KALRN: variants seen among roughly 807,000 people sequenced by gnomAD.
KALRN encodes kalirin RhoGEF kinase.
In KALRN, 70 loss-of-function variants were observed where a neutral mutation model predicts 353.7. That is an observed-to-expected ratio of 0.20 (90% CI 0.16 to 0.24). KALRN has a LOEUF of 0.24. KALRN is among the 10% of genes least tolerant of loss of function. The pLI, the probability that KALRN is intolerant of heterozygous loss-of-function variation, is 1.00. For missense variants in KALRN, 2,791 were observed against 3,756.7 expected, an observed-to-expected ratio of 0.74 and a Z score of 6.72; for synonymous variants, 1,391 against 1,434.8, an observed-to-expected ratio of 0.97 and a Z score of 0.69.
At chr3:124,138,964 A>G (rs2066284703) in intron 1 of KALRN, among the ~76,000 whole-genome samples, 1 of 152,184 alleles carries the variant, frequency 6.6e-6, no homozygotes, top group Non-Finnish European at 1.5e-5. Context: ...CGCATATAAT[A>G]CAGATGTGAG....
rs1343390519 is a variant in KALRN at position 124,719,436 on chromosome 3, G to T, written c.8927G>T (p.Ser2976Ile). 1 of 1,613,900 alleles carries T rather than the reference G, an allele frequency of 6.2e-7. No homozygotes were observed. Among genetic ancestry groups the T allele is most frequent in the Admixed American group, 1.7e-5 (1 of 60,020 alleles). ...NDVRPIPNVK[S>I]YIVNRVNQGT ...GTGCGGCCTATTCCCAATGTCAAGAGCTACATTGTCAACCGGGTGAACCAA... is the reference window on the plus strand; with the variant it reads ...GTGCGGCCTATTCCCAATGTCAAGATCTACATTGTCAACCGGGTGAACCAA... The change falls in exon 60 of 60, where the codon AGC becomes ATC. Residue 2976 changes from serine (S) to isoleucine (I), a missense_variant. Ser to Ile is a moderately radical substitution (Grantham distance 142, BLOSUM62 -2). Coordinates refer to ENST00000682506, the MANE Select transcript of KALRN (RefSeq NM_001388419.1). The surrounding 1 kb of genome is among the most constrained non-coding windows in gnomAD (Gnocchi z 5.3).
chr3:124,425,826 A>G (rs1041523689), intron 15 of KALRN, among the ~76,000 whole-genome samples: 14 of 152,184 alleles, frequency 9.2e-5, no homozygotes, highest in African/African-American at 3.4e-4. Flanking sequence ...GATGATAAGT[A>G]TTTTGTTAAA....
At chr3:124,451,559 A>G (rs1341322538) in intron 21 of KALRN, among the ~76,000 whole-genome samples, 3 of 152,212 alleles carry the variant, frequency 2.0e-5, no homozygotes, top group African/African-American at 4.8e-5. Context: ...ATTAGTTTCT[A>G]TAAGTTACTG....
chr3:124,503,190 C>A (rs1041354752), intron 33 of KALRN, among the ~76,000 whole-genome samples: 1 of 152,148 alleles, frequency 6.6e-6, no homozygotes. Flanking sequence ...ACACTTCAAA[C>A]CCTTAAATAA....
At chr3:124,577,211 TG>T (rs1169497670) in intron 34 of KALRN, among the ~76,000 whole-genome samples, 4 of 114,936 alleles carry the variant, frequency 3.5e-5, no homozygotes, top group Non-Finnish European at 5.1e-5. Flanking sequence ...TAATACTTCC[TG>T]GAAAAAAAAA....
At chr3:124,717,101 C>T (rs1034369544) in intron 58 of KALRN, 146 bp from the exon 59 acceptor site, 6 of 598,854 alleles carry the variant, frequency 1.0e-5, no homozygotes, top group Non-Finnish European at 8.2e-6. Context: ...TAGGCTCTAA[C>T]TAAATATGCA....
chr3:124,719,105 A>T lies in KALRN; in HGVS notation c.8596A>T (p.Ile2866Phe). The T allele has an allele frequency of 6.2e-7, 1 of 1,614,266 alleles. No individual in the cohort carries two copies. Among genetic ancestry groups the T allele is most frequent in the Non-Finnish European group, 8.5e-7 (1 of 1,180,042 alleles). ...CTCCCTGGGGACAGACATCTGGAGC[A>T]TCGGGGTTCTGACATATGTCATGCT... ...PVSLGTDIWS[I>F]GVLTYVMLSG... Residue 2866 changes from isoleucine to phenylalanine, a missense_variant, in exon 60 of 60, where the codon ATC becomes TTC. Physicochemically the swap from Ile to Phe is conservative, Grantham distance 21. Coordinates refer to ENST00000682506, the MANE Select transcript of KALRN (RefSeq NM_001388419.1). This position sits in a 1 kb window ranked among gnomAD's most constrained non-coding sequence, Gnocchi z 5.3.
intron 1 of KALRN, chr3:124,163,774 C>G: frequency 3.0e-6 from 3 of 985,450 alleles, no homozygotes; most frequent in Non-Finnish European, 3.6e-6. Context: ...AAGTTCTCTC[C>G]TTCTCCTTCC....
intron 33 of KALRN, among the ~76,000 whole-genome samples, chr3:124,501,653 T>G (rs2064567450): frequency 6.6e-6 from 1 of 152,120 alleles, no homozygotes; most frequent in South Asian, 2.1e-4. Context: ...TCATCAGAAC[T>G]GACAATTTCA....
intron 37 of KALRN, among the ~76,000 whole-genome samples, chr3:124,637,868 G>A (rs1221093714): frequency 6.6e-6 from 1 of 152,204 alleles, no homozygotes; most frequent in South Asian, 2.1e-4. Flanking sequence ...CTGGCAGCCT[G>A]TCTAGCCTGT....
intron 1 of KALRN, among the ~76,000 whole-genome samples, chr3:124,047,668 T>A (rs1188849362): frequency 3.6e-4 from 51 of 142,436 alleles, no homozygotes; most frequent in South Asian, 4.6e-4. Context: ...AATTTTTTTT[T>A]ATTTTTTTTT....
At chr3:124,569,127 G>GT (rs1339938017) in intron 34 of KALRN, among the ~76,000 whole-genome samples, 11 of 152,144 alleles carry the variant, frequency 7.2e-5, no homozygotes, top group Non-Finnish European at 1.2e-4. Context: ...TGGAGAAGCT[G>GT]TAAGGAAATA....
chr3:124,406,393 C>T (rs536518608), intron 13 of KALRN, among the ~76,000 whole-genome samples: 4 of 152,260 alleles, frequency 2.6e-5, no homozygotes, highest in East Asian at 1.9e-4. Flanking sequence ...TTTTATTCAT[C>T]GTGGTAACCT....
At chr3:124,436,060 A>G (rs570915072) in intron 17 of KALRN, among the ~76,000 whole-genome samples, 6 of 152,368 alleles carry the variant, frequency 3.9e-5, no homozygotes, top group African/African-American at 1.4e-4. Flanking sequence ...ATAGATCCAC[A>G]TATATACAGT....
intron 1 of KALRN, among the ~76,000 whole-genome samples, chr3:124,108,174 A>C (rs1225667757): frequency 6.6e-6 from 1 of 152,126 alleles, no homozygotes; most frequent in East Asian, 1.9e-4. Context: ...GCCCCTTGCT[A>C]CCTTGGTTCC....
intron 1 of KALRN, among the ~76,000 whole-genome samples, chr3:124,149,280 G>A (rs370092317): frequency 2.6e-5 from 4 of 152,166 alleles, no homozygotes; most frequent in Non-Finnish European, 4.4e-5. Flanking sequence ...CTGCCCAGAT[G>A]AGTCTACCAT....
intron 2 of KALRN, among the ~76,000 whole-genome samples, chr3:124,231,147 A>G (rs2079110496): frequency 6.6e-6 from 1 of 152,222 alleles, no homozygotes; most frequent in Non-Finnish European, 1.5e-5. Flanking sequence ...AATCCAGGGC[A>G]GCCCAGAAGC....
chr3:124,193,275 A>T (rs575723548), intron 1 of KALRN, among the ~76,000 whole-genome samples: 1 of 152,220 alleles, frequency 6.6e-6, no homozygotes, highest in South Asian at 2.1e-4. Context: ...ATCCTTCCTC[A>T]GCCTCTCTCA....
At chr3:124,219,023 T>C (rs1048253529) in intron 1 of KALRN, among the ~76,000 whole-genome samples, 34 of 152,066 alleles carry the variant, frequency 2.2e-4, no homozygotes, top group Non-Finnish European at 4.4e-5. Flanking sequence ...GGGAGAAAGA[T>C]GAACATGAAG....
Sources: gnomAD v4.1 joint callset for allele counts (sites outside exome capture counted in the v4.1 genomes callset) on GRCh38, gnomAD v4.1.1 for gene constraint, Gnocchi (gnomAD v3.1) non-coding constraint, MANE v1.5 for transcripts, NCBI Gene and HGNC (gene_info 2026-07-23, HGNC 2026-07-21) for gene names.